Variants in XPR1 observed in about 807,000 individuals in gnomAD.
XPR1 encodes the protein solute carrier family 53 member 1.
XPR1 carries 28 observed loss-of-function variants against 87.5 expected under a neutral mutation model. The ratio of observed to expected loss-of-function variants is 0.32; its 90% CI spans 0.24 to 0.44. The LOEUF (loss-of-function observed/expected upper bound fraction) is 0.44. XPR1 is among the 20% of genes least tolerant of loss of function. The pLI is 1.00. For missense variants in XPR1, 559 were observed against 862.3 expected, an observed-to-expected ratio of 0.65 and a Z score of 4.41; for synonymous variants, 300 against 306.1, an observed-to-expected ratio of 0.98 and a Z score of 0.21.
chr1:180,724,965 T>C (rs1372088703), intron 2 of XPR1, among the ~76,000 whole-genome samples: 1 of 152,212 alleles, frequency 6.6e-6, no homozygotes, highest in African/African-American at 2.4e-5. Context: ...GCCATAAAAC[T>C]CATACCATAG....
chr1:180,854,173 A>T (rs1651962710), intron 11 of XPR1, among the ~76,000 whole-genome samples: 1 of 152,236 alleles, frequency 6.6e-6, no homozygotes, highest in Admixed American at 6.5e-5. Context: ...ACTTATTAAC[A>T]AAAGACCATG....
chr1:180,823,756 C>T (rs917233634), intron 7 of XPR1, among the ~76,000 whole-genome samples: 1 of 152,156 alleles, frequency 6.6e-6, no homozygotes, highest in Non-Finnish European at 1.5e-5. Context: ...TGGAGCAAAA[C>T]TGGGTTCAAA....
chr1:180,671,687 G>C (rs1198218910), intron 1 of XPR1, among the ~76,000 whole-genome samples: 1 of 152,096 alleles, frequency 6.6e-6, no homozygotes, highest in Admixed American at 6.5e-5. Flanking sequence ...GCTAATTTCT[G>C]TATTTTTAGT....
Position 180,868,522 on chromosome 1 carries a change from T to A in XPR1, c.1668+4648T>A, listed in dbSNP as rs958045130. 1.4e-4 allele frequency among the ~76,000 whole-genome samples: 10 copies of A among 72,216 alleles called. 1 individual carries two copies. Among genetic ancestry groups the A allele is most frequent in the Middle Eastern group, 6.9e-3 (1 of 144 alleles). The allele number at this position is 72,216 out of a possible 152,430, so 47.4% of individuals were successfully genotyped here. A position where few individuals can be genotyped will look rare whatever the true frequency, so the allele number is the denominator to read the frequency against. On this transcript the variant is annotated intron_variant, in intron 12 of 14. Transcript: ENST00000367590. ...TGGTTTGTAGTTCTCCTTGAAGATG[T>A]CCTTCACATCCCTTGTAAGTTGGAT...
chr1:180,762,227 A>T (rs1288063859), intron 2 of XPR1, among the ~76,000 whole-genome samples: 2 of 152,030 alleles, frequency 1.3e-5, no homozygotes, highest in African/African-American at 4.8e-5. Flanking sequence ...CATATGTAAC[A>T]AACCTGCACA....
intron 11 of XPR1, among the ~76,000 whole-genome samples, chr1:180,839,990 G>A (rs1026697605): frequency 5.3e-5 from 8 of 151,754 alleles, no homozygotes; most frequent in Non-Finnish European, 1.0e-4. Flanking sequence ...TTGGGAGGCC[G>A]AGGCGGGTGG....
chr1:180,638,535 G>A (rs1183001763), intron 1 of XPR1, among the ~76,000 whole-genome samples: 1 of 152,046 alleles, frequency 6.6e-6, no homozygotes, highest in Non-Finnish European at 1.5e-5. Flanking sequence ...AGCAGAGAAA[G>A]CTCATGAACA....
intron 2 of XPR1, among the ~76,000 whole-genome samples, chr1:180,709,387 A>G (rs1657677009): frequency 6.6e-6 from 1 of 152,208 alleles, no homozygotes; most frequent in African/African-American, 2.4e-5. Context: ...ACCACACTCA[A>G]GATAGTGAAC....
chr1:180,655,257 G>A (rs543632516), intron 1 of XPR1, among the ~76,000 whole-genome samples: 19 of 152,078 alleles, frequency 1.2e-4, no homozygotes, highest in African/African-American at 4.6e-4. Flanking sequence ...GTCCATTTTC[G>A]AATTGGATTG....
chr1:180,793,806 A>G (rs1239284799), intron 3 of XPR1, among the ~76,000 whole-genome samples: 3 of 152,118 alleles, frequency 2.0e-5, no homozygotes, highest in Non-Finnish European at 2.9e-5. Context: ...ATAAGCATCT[A>G]TTAAAAACAA....
At chr1:180,774,378 T>C (rs1183466014) in intron 2 of XPR1, among the ~76,000 whole-genome samples, 2 of 146,556 alleles carry the variant, frequency 1.4e-5, no homozygotes, top group Admixed American at 7.2e-5. Flanking sequence ...AATCTGTCTT[T>C]CCTATCTTTT....
At chr1:180,682,827 TGTGTGC>T (rs954040079) in intron 2 of XPR1, among the ~76,000 whole-genome samples, 4 of 151,794 alleles carry the variant, frequency 2.6e-5, no homozygotes, top group African/African-American at 9.7e-5. Flanking sequence ...GATGTGTGTG[TGTGTGC>T]GTGTGTGTGT....
At chr1:180,653,371 G>A (rs1655354152) in intron 1 of XPR1, among the ~76,000 whole-genome samples, 1 of 152,122 alleles carries the variant, frequency 6.6e-6, no homozygotes, top group Non-Finnish European at 1.5e-5. Flanking sequence ...GAAATAAAAG[G>A]GGAAATATTG....
intron 13 of XPR1, among the ~76,000 whole-genome samples, chr1:180,877,660 T>G (rs1652705947): frequency 6.6e-6 from 1 of 152,154 alleles, no homozygotes; most frequent in South Asian, 2.1e-4. Flanking sequence ...AATTACACAG[T>G]GAGTCCCTTT....
At chr1:180,699,112 A>G (rs1340630159) in intron 2 of XPR1, among the ~76,000 whole-genome samples, 1 of 151,366 alleles carries the variant, frequency 6.6e-6, no homozygotes, top group Non-Finnish European at 1.5e-5. Flanking sequence ...ATCTTTACCC[A>G]TCATTTCACC....
At chr1:180,697,592 A>G (rs1445728024) in intron 2 of XPR1, among the ~76,000 whole-genome samples, 1 of 152,108 alleles carries the variant, frequency 6.6e-6, no homozygotes, top group Non-Finnish European at 1.5e-5. Flanking sequence ...TTATTGCTAT[A>G]AACTTTCCTC....
At chr1:180,830,900 C>T (rs1651032882) in intron 9 of XPR1, among the ~76,000 whole-genome samples, 1 of 152,170 alleles carries the variant, frequency 6.6e-6, no homozygotes, top group East Asian at 1.9e-4. Context: ...TGTCGGTCTT[C>T]TGTAAAATGG....
chr1:180,697,332 C>A (rs1657204284), intron 2 of XPR1, among the ~76,000 whole-genome samples: 1 of 151,618 alleles, frequency 6.6e-6, no homozygotes, highest in African/African-American at 2.4e-5. Context: ...TTTTTTCTTT[C>A]TAATTTTATA....
intron 1 of XPR1, among the ~76,000 whole-genome samples, chr1:180,672,838 G>A (rs1236876721): frequency 1.3e-5 from 2 of 152,128 alleles, no homozygotes; most frequent in Non-Finnish European, 2.9e-5. Flanking sequence ...AGGTTGTTCA[G>A]ATAAAAAAGT....
Sources: gnomAD v4.1 joint callset for allele counts (sites outside exome capture counted in the v4.1 genomes callset) on GRCh38, gnomAD v4.1.1 for gene constraint, MANE v1.5 for transcripts, NCBI Gene and HGNC (gene_info 2026-07-23, HGNC 2026-07-21) for gene names.